THADA: variants seen among roughly 807,000 people sequenced by gnomAD.
THADA encodes tRNA (32-2'-O)-methyltransferase regulator THADA.
A neutral mutation model predicts 219.8 loss-of-function variants in THADA; 213 were observed. That is an observed-to-expected ratio of 0.97 (90% CI 0.87 to 1.09). The LOEUF (loss-of-function observed/expected upper bound fraction) is 1.09, where lower values mean the gene tolerates loss of function less well. Among genes scored for constraint, THADA ranks in the 50% least tolerant of loss-of-function variants. The pLI, the probability that THADA is intolerant of heterozygous loss-of-function variation, is 0.00. For missense variants in THADA, 2,956 were observed against 2,311.3 expected (o/e 1.28, Z -5.72); for synonymous variants, 1,018 against 828.9 (o/e 1.23, Z -3.92).
At position 43,292,116 on chromosome 2, in the gene THADA, G is replaced by A. The variant is rs781038918; in HGVS notation, c.4925C>T (p.Ala1642Val). 5 of 1,604,078 alleles carry A rather than the reference G, an allele frequency of 3.1e-6. No homozygotes were observed. In the South Asian group the frequency reaches 5.6e-5, roughly 18 times the overall value. Residue 1642 changes from alanine (A) to valine (V), a missense_variant, in exon 33 of 38, where the codon GCT (alanine) becomes GTT (valine). Physicochemically the swap from Ala to Val is moderately conservative, Grantham distance 64. Transcript: ENST00000405975. ...KEFLIWTMDI[A>V]SNERSEIQSV... is the part of the protein sequence containing the mutation. ...TTTGGGGGCAAACCTTTCATTGGAA[G>A]CAATATCCATCGTCCAGATCAAGAA...
At chr2:43,385,995 C>T (rs1482533869) in intron 29 of THADA, among the ~76,000 whole-genome samples, 1 of 151,992 alleles carries the variant, frequency 6.6e-6, no homozygotes, top group African/African-American at 2.4e-5. Flanking sequence ...AAAGGCATCC[C>T]AAATAGGAAA....
At chr2:43,240,694 C>G (rs1382410092) in intron 36 of THADA, among the ~76,000 whole-genome samples, 1 of 152,196 alleles carries the variant, frequency 6.6e-6, no homozygotes, top group Non-Finnish European at 1.5e-5. Flanking sequence ...CTGACCCCTA[C>G]TGGAGACAAA....
At position 43,513,815 on chromosome 2, in the gene THADA, A is replaced by C. The variant is rs577824192; in HGVS notation, c.3375-5035T>G. Among the ~76,000 whole-genome samples the C allele has an allele frequency of 5.4e-4, 83 of 152,336 alleles. 1 individual carries two copies. The highest frequency in any genetic ancestry group is 1.7e-3 in the African/African-American group (71 of 41,572). ...AATAACACACATTCACTCTATATGA[A>C]ACTAATTTTATGGAGCAGTCTGACA... On this transcript the variant is annotated intron_variant, in intron 22 of 37. Transcript: ENST00000405975.
At chr2:43,243,214 T>C (rs538219379) in intron 36 of THADA, among the ~76,000 whole-genome samples, 171 of 152,288 alleles carry the variant, frequency 1.1e-3, no homozygotes, top group African/African-American at 3.8e-3. Context: ...TGTCTGTAGG[T>C]GCCTCAACAT....
chr2:43,511,655 C>T (rs1441461858), intron 22 of THADA, among the ~76,000 whole-genome samples: 2 of 152,252 alleles, frequency 1.3e-5, no homozygotes, highest in East Asian at 3.9e-4. Flanking sequence ...ACATACAACA[C>T]ACACACCTCA....
intron 29 of THADA, among the ~76,000 whole-genome samples, chr2:43,387,513 C>T (rs1017366305): frequency 1.3e-5 from 2 of 151,172 alleles, no homozygotes; most frequent in African/African-American, 2.5e-5. Context: ...TGCTGAGCCA[C>T]AACTTCTGCC....
At chr2:43,400,484 T>C (rs892306151) in intron 28 of THADA, among the ~76,000 whole-genome samples, 7 of 145,950 alleles carry the variant, frequency 4.8e-5, no homozygotes, top group South Asian at 2.1e-4. Context: ...TATAAATATA[T>C]ACACTAAGAA....
intron 29 of THADA, among the ~76,000 whole-genome samples, chr2:43,344,443 C>A (rs551120574): frequency 6.6e-6 from 1 of 152,294 alleles, no homozygotes; most frequent in African/African-American, 2.4e-5. Context: ...CCATACTTTG[C>A]TATGGGTTTC....
chr2:43,255,753 C>G (rs892076533), intron 36 of THADA, among the ~76,000 whole-genome samples: 1 of 152,204 alleles, frequency 6.6e-6, no homozygotes, highest in Middle Eastern at 3.2e-3. Flanking sequence ...GGGTTTCCAG[C>G]TGGGGTGAAG....
chr2:43,313,647 C>T (rs1444756558), intron 31 of THADA, among the ~76,000 whole-genome samples: 1 of 152,202 alleles, frequency 6.6e-6, no homozygotes. Flanking sequence ...TTATTCCACA[C>T]ACCCTCAGGA....
intron 28 of THADA, among the ~76,000 whole-genome samples, chr2:43,419,861 T>G (rs1677468780): frequency 6.6e-6 from 1 of 152,218 alleles, no homozygotes; most frequent in African/African-American, 2.4e-5. Context: ...CCACAAGACT[T>G]AAATGCAACA....
intron 22 of THADA, among the ~76,000 whole-genome samples, chr2:43,524,542 A>G (rs1692916518): frequency 1.3e-5 from 2 of 152,228 alleles, no homozygotes; most frequent in African/African-American, 2.4e-5. Context: ...TGTATGCCTA[A>G]ACAACTTTTT....
chr2:43,574,383 A>T lies in THADA; in HGVS notation c.1682T>A (p.Leu561Ter). Residue 561 changes from leucine to a stop codon, truncating the protein, a stop_gained, in exon 11 of 38, where the codon TTA becomes TAA. Coordinates refer to ENST00000405975, the MANE Select transcript of THADA (RefSeq NM_022065.5). LOFTEE classifies it high-confidence loss of function. ...CTGAAGAATCTTTACCATGTACTGT[A>T]AGCTTTCAGGGCTGTAACTTAATAA... ...PKLLSYSPESLQYMVKILQTS... is the reference protein window; with the variant it reads ...PKLLSYSPES The T allele has an allele frequency of 6.2e-7, 1 of 1,607,000 alleles. No individual in the cohort carries two copies. Among genetic ancestry groups the T allele is most frequent in the Non-Finnish European group, 8.5e-7 (1 of 1,176,708 alleles).
At chr2:43,339,327 T>C (rs1393693366) in intron 30 of THADA, among the ~76,000 whole-genome samples, 1 of 152,174 alleles carries the variant, frequency 6.6e-6, no homozygotes, top group African/African-American at 2.4e-5. Flanking sequence ...GTTGCTCGGG[T>C]TGGAATGCAG....
In THADA at chr2:43,318,211, A is replaced by AT. The variant is rs1013892758; in HGVS notation, c.4438+2234dup. Reference sequence around the variant, plus strand: ...TGTGCTACCACATGTGGCTAATTAAATTTTTTTTTTTTTAGAGATGAGGCC... The same window carrying AT: ...TGTGCTACCACATGTGGCTAATTAAATTTTTTTTTTTTTTAGAGATGAGGCC... On this transcript the variant is annotated intron_variant, in intron 31 of 37. Transcript: ENST00000405975. 7.3e-3 allele frequency among the ~76,000 whole-genome samples: 1,058 copies of AT among 144,222 alleles called. 4 individuals are homozygous for AT. The highest frequency in any genetic ancestry group is 9.8e-3 in the Non-Finnish European group (640 of 65,268). 94.6% of individuals were successfully genotyped at this position (144,222 alleles called of 152,430 possible).
intron 25 of THADA, among the ~76,000 whole-genome samples, chr2:43,496,776 A>T (rs978014075): frequency 1.3e-5 from 2 of 152,216 alleles, no homozygotes; most frequent in Non-Finnish European, 2.9e-5. Context: ...TCATTCCTCA[A>T]AAAGTTAAAC....
chr2:43,382,980 A>G (rs1250093297), intron 29 of THADA, among the ~76,000 whole-genome samples: 1 of 152,202 alleles, frequency 6.6e-6, no homozygotes, highest in African/African-American at 2.4e-5. Flanking sequence ...AAATTTAACA[A>G]TAAAATCTCA....
At chr2:43,554,553 TG>T (rs1164212239) in intron 17 of THADA, among the ~76,000 whole-genome samples, 2 of 152,028 alleles carry the variant, frequency 1.3e-5, no homozygotes, top group African/African-American at 4.8e-5. Context: ...CTTGTAAACA[TG>T]GGAAAAAATA....
intron 30 of THADA, among the ~76,000 whole-genome samples, chr2:43,342,201 G>A (rs1169321715): frequency 6.6e-6 from 1 of 152,184 alleles, no homozygotes; most frequent in Non-Finnish European, 1.5e-5. Context: ...GGGTGACAGA[G>A]CATGACCCTG....
Sources: gnomAD v4.1 joint callset for allele counts (sites outside exome capture counted in the v4.1 genomes callset) on GRCh38, gnomAD v4.1.1 for gene constraint, MANE v1.5 for transcripts, NCBI Gene and HGNC (gene_info 2026-07-23, HGNC 2026-07-21) for gene names.